STK39: variants seen among roughly 807,000 people sequenced by gnomAD.
STK39 encodes the protein STE20/SPS1-related proline-alanine-rich protein kinase.
A neutral mutation model predicts 77.8 loss-of-function variants in STK39; 20 were observed. That is an observed-to-expected ratio of 0.26 (90% confidence interval 0.18 to 0.37). The LOEUF (loss-of-function observed/expected upper bound fraction) is 0.37. STK39 is among the 10% of genes least tolerant of loss of function. STK39 has a pLI of 1.00. For missense variants in STK39, 479 were observed against 656.5 expected (o/e 0.73, Z 2.95); for synonymous variants, 246 against 234.1 (o/e 1.05, Z -0.47).
intron 10 of STK39, among the ~76,000 whole-genome samples, chr2:168,105,515 G>T (rs565506067): frequency 6.6e-6 from 1 of 152,230 alleles, no homozygotes; most frequent in Non-Finnish European, 1.5e-5. Context: ...GGCATAGGAA[G>T]AAAGGGCCTT....
At chr2:168,074,336 T>C (rs1380288278) in intron 12 of STK39, among the ~76,000 whole-genome samples, 1 of 152,242 alleles carries the variant, frequency 6.6e-6, no homozygotes, top group Non-Finnish European at 1.5e-5. Flanking sequence ...TATGCTCAAA[T>C]TTCCTCTAGG....
intron 1 of STK39, among the ~76,000 whole-genome samples, chr2:168,183,328 TCC>T: frequency 6.6e-6 from 1 of 151,846 alleles, no homozygotes; most frequent in East Asian, 1.9e-4. Context: ...GGAAAGAAAA[TCC>T]ACACACACAT....
chr2:168,173,972 C>CT (rs1688893041), intron 2 of STK39, among the ~76,000 whole-genome samples: 1 of 152,212 alleles, frequency 6.6e-6, no homozygotes, highest in Non-Finnish European at 1.5e-5. Flanking sequence ...TCTTGTACCA[C>CT]TTACAAATCA....
chr2:168,224,664 G>C (rs1690260884), intron 1 of STK39, among the ~76,000 whole-genome samples: 1 of 152,102 alleles, frequency 6.6e-6, no homozygotes, highest in East Asian at 1.9e-4. Context: ...AACTAATAAG[G>C]AGCACTGCAT....
chr2:168,123,328 T>A (rs1046224623), intron 10 of STK39, among the ~76,000 whole-genome samples: 3 of 152,160 alleles, frequency 2.0e-5, no homozygotes, highest in Non-Finnish European at 4.4e-5. Flanking sequence ...AAAATTCAAA[T>A]AAGATCTAAA....
chr2:168,226,923 A>C (rs1057451532), intron 1 of STK39, among the ~76,000 whole-genome samples: 2 of 152,256 alleles, frequency 1.3e-5, no homozygotes, highest in African/African-American at 4.8e-5. Context: ...TTAGTTAAGT[A>C]AATTCAGCTG....
At chr2:168,058,335 TCTCTC>T (rs1009864058) in intron 14 of STK39, among the ~76,000 whole-genome samples, 24 of 152,174 alleles carry the variant, frequency 1.6e-4, no homozygotes, top group African/African-American at 5.8e-4. Context: ...GGAACATCAC[TCTCTC>T]CTCTACCTCA....
intron 1 of STK39, among the ~76,000 whole-genome samples, chr2:168,240,010 C>T (rs1304402229): frequency 1.3e-5 from 2 of 152,208 alleles, no homozygotes; most frequent in African/African-American, 4.8e-5. Flanking sequence ...TATATGTACA[C>T]TTTTCCACAT....
chr2:168,193,976 G>T (rs1301725248), intron 1 of STK39, among the ~76,000 whole-genome samples: 1 of 152,204 alleles, frequency 6.6e-6, no homozygotes, highest in African/African-American at 2.4e-5. Flanking sequence ...AAGGAGGCCT[G>T]AAGCATGGAA....
chr2:168,078,829 T>C (rs535800030), intron 10 of STK39, among the ~76,000 whole-genome samples: 6 of 151,756 alleles, frequency 4.0e-5, no homozygotes, highest in African/African-American at 1.5e-4. Flanking sequence ...GGGAATCTCC[T>C]TGGAGTGATT....
chr2:168,195,538 G>A (rs570155512), intron 1 of STK39, among the ~76,000 whole-genome samples: 5 of 152,332 alleles, frequency 3.3e-5, no homozygotes, highest in African/African-American at 4.8e-5. Context: ...TAGCCTACTA[G>A]CTACAGTATG....
chr2:168,147,440 T>C (rs936227371), intron 5 of STK39, among the ~76,000 whole-genome samples: 5 of 152,218 alleles, frequency 3.3e-5, no homozygotes, highest in Non-Finnish European at 5.9e-5. Context: ...TGTATAATAA[T>C]GAGTAGAAAA....
At chr2:168,207,723 G>A (rs966982628) in intron 1 of STK39, among the ~76,000 whole-genome samples, 1 of 152,122 alleles carries the variant, frequency 6.6e-6, no homozygotes, top group Non-Finnish European at 1.5e-5. Flanking sequence ...AAAATTTACT[G>A]AGCAATAAAA....
At chr2:167,961,275 T>A (rs1343740161) in intron 17 of STK39, among the ~76,000 whole-genome samples, 1 of 152,210 alleles carries the variant, frequency 6.6e-6, no homozygotes, top group Admixed American at 6.5e-5. Context: ...GTCCGTTTAG[T>A]CACTGTGAAA....
chr2:167,988,652 T>C (rs1011355965), intron 16 of STK39, among the ~76,000 whole-genome samples: 1 of 151,660 alleles, frequency 6.6e-6, no homozygotes, highest in African/African-American at 2.4e-5. Flanking sequence ...CTTGTTAATA[T>C]GAGAAAAAAA....
chr2:167,970,045 T>C (rs1692287070), intron 16 of STK39, among the ~76,000 whole-genome samples: 1 of 152,178 alleles, frequency 6.6e-6, no homozygotes, highest in South Asian at 2.1e-4. Flanking sequence ...CCTCTGTACC[T>C]GCCATTCCCT....
At chr2:167,960,635 C>A (rs1263511764) in intron 17 of STK39, among the ~76,000 whole-genome samples, 2 of 152,098 alleles carry the variant, frequency 1.3e-5, no homozygotes, top group Non-Finnish European at 2.9e-5. Flanking sequence ...ATCTCCTCAC[C>A]CCTCCCGCCA....
At chr2:167,964,507 C>T (rs755709303) in intron 17 of STK39, 155 bp downstream of exon 17, 19 of 662,048 alleles carry the variant, frequency 2.9e-5, no homozygotes, top group East Asian at 2.3e-4. Flanking sequence ...CGTTCCCTAA[C>T]GCTGCAGAGT....
intron 14 of STK39, among the ~76,000 whole-genome samples, chr2:168,024,031 C>T (rs1232663514): frequency 3.3e-5 from 5 of 152,160 alleles, no homozygotes; most frequent in African/African-American, 1.2e-4. Flanking sequence ...ACTATCTCCC[C>T]GCTATCAGGA....
Sources: gnomAD v4.1 joint callset for allele counts (sites outside exome capture counted in the v4.1 genomes callset) on GRCh38, gnomAD v4.1.1 for gene constraint, MANE v1.5 for transcripts, NCBI Gene and HGNC (gene_info 2026-07-23, HGNC 2026-07-21) for gene names.